The following PHLDB2 variants were observed in gnomAD, a reference collection of about 807,000 sequenced individuals.
The protein encoded by PHLDB2 is pleckstrin homology-like domain family B member 2.
PHLDB2 carries 71 observed loss-of-function variants against 123.6 expected under a neutral mutation model. The observed-to-expected ratio is 0.57, with a 90% CI of 0.47 to 0.70. The LOEUF is 0.70. PHLDB2 is among the 30% of genes least tolerant of loss of function. PHLDB2 has a pLI of 0.00. For missense variants in PHLDB2, 1,446 were observed against 1,519.5 expected (o/e 0.95, Z 0.80); for synonymous variants, 547 against 541.6 (o/e 1.01, Z -0.14).
chr3:111,910,127 C>T (rs142864984), intron 2 of PHLDB2, among the ~76,000 whole-genome samples: 3 of 152,200 alleles, frequency 2.0e-5, no homozygotes, highest in African/African-American at 7.2e-5. Flanking sequence ...ATACCCCTAG[C>T]CCATCACCAT....
chr3:111,794,933 G>A (rs1033333912), intron 1 of PHLDB2, among the ~76,000 whole-genome samples: 1 of 152,212 alleles, frequency 6.6e-6, no homozygotes, highest in African/African-American at 2.4e-5. Flanking sequence ...ATGGCTTTCA[G>A]ATGTGAAGAG....
intron 1 of PHLDB2, among the ~76,000 whole-genome samples, chr3:111,842,498 A>C (rs2063739084): frequency 6.6e-6 from 1 of 152,250 alleles, no homozygotes; most frequent in African/African-American, 2.4e-5. Flanking sequence ...CTATGGGTTT[A>C]GACAAATATA....
intron 5 of PHLDB2, among the ~76,000 whole-genome samples, chr3:111,925,438 C>G (rs536708928): frequency 6.6e-6 from 1 of 152,224 alleles, no homozygotes; most frequent in African/African-American, 2.4e-5. Context: ...TGCCACCTGC[C>G]GGTTGTGTTC....
At chr3:111,877,417 TG>T (rs1285290336) in intron 1 of PHLDB2, among the ~76,000 whole-genome samples, 6 of 152,232 alleles carry the variant, frequency 3.9e-5, no homozygotes, top group African/African-American at 1.2e-4. Flanking sequence ...TTGATAGGGT[TG>T]TTTTTTTCTT....
chr3:111,775,957 G>T (rs1194768143), intron 1 of PHLDB2, among the ~76,000 whole-genome samples: 1 of 152,164 alleles, frequency 6.6e-6, no homozygotes, highest in African/African-American at 2.4e-5. Context: ...ACAGCTGCTG[G>T]TGAAAGCTTT....
rs114296053 is a variant in PHLDB2 at position 111,884,929 on chromosome 3, A to T, written c.852A>T (p.Thr284=). 3.0e-4 allele frequency: 478 copies of T among 1,614,154 alleles called. 3 individuals are homozygous for T. The African/African-American group carries it at 6.0e-3, about 20-fold the overall frequency. ...PRNSLGNSKR[T]KLGEKDLPHS... ...ACTCTCTGGGCAATTCCAAACGAAC[A>T]AAACTTGGGGAAAAGGATCTACCTC... Residue 284 remains threonine (T), a synonymous_variant, in exon 2 of 18, where the codon ACA becomes ACT. Coordinates refer to ENST00000431670, the MANE Select transcript of PHLDB2 (RefSeq NM_001134438.2).
intron 2 of PHLDB2, among the ~76,000 whole-genome samples, chr3:111,901,712 C>G (rs542520378): frequency 1.4e-4 from 22 of 152,110 alleles, no homozygotes; most frequent in Non-Finnish European, 2.6e-4. Flanking sequence ...AAAGAGATGA[C>G]AGTATGATTA....
intron 10 of PHLDB2, 83 bp from the exon 11 acceptor site, chr3:111,952,489 G>T: frequency 2.1e-6 from 3 of 1,453,240 alleles, no homozygotes; most frequent in African/African-American, 1.4e-5. Context: ...AGTTTTTTTT[G>T]TAAGTGCATA....
Position 111,952,641 on chromosome 3 carries a change from C to G in PHLDB2, c.2701C>G (p.Arg901Gly). The G allele has an allele frequency of 6.2e-7, 1 of 1,613,918 alleles. No homozygotes were observed. The highest frequency in any genetic ancestry group is 8.5e-7 in the Non-Finnish European group (1 of 1,179,878). The change falls in exon 11 of 18, where the codon CGA (arginine) becomes GGA (glycine). Residue 901 changes from arginine to glycine, a missense_variant. Arg to Gly is a moderately radical substitution (Grantham distance 125, BLOSUM62 -2). Around this residue, in one of 3 missense-constraint regions of PHLDB2, gnomAD observed 594 missense variants for 646.0 expected, o/e 0.92. Transcript: ENST00000431670. Reference protein sequence around the residue: ...EGLYLSDTLPRKKTTSSISPH... With the variant: ...EGLYLSDTLPGKKTTSSISPH... ...CCTCTATCTGAGTGATACTTTGCCT[C>G]GAAAGAAAACCACATCTTCCATCTC...
chr3:111,896,064 C>T (rs949239903), intron 2 of PHLDB2, among the ~76,000 whole-genome samples: 4 of 151,942 alleles, frequency 2.6e-5, no homozygotes, highest in African/African-American at 4.8e-5. Context: ...GGCATGATCT[C>T]GGCTCAGCCT....
At chr3:111,787,707 G>A (rs951255260) in intron 1 of PHLDB2, among the ~76,000 whole-genome samples, 27 of 152,218 alleles carry the variant, frequency 1.8e-4, no homozygotes, top group African/African-American at 4.8e-4. Context: ...ACCTCAAAGA[G>A]GACACATGGG....
intron 1 of PHLDB2, among the ~76,000 whole-genome samples, chr3:111,764,255 T>A (rs924318534): frequency 2.0e-5 from 3 of 152,226 alleles, no homozygotes; most frequent in Non-Finnish European, 4.4e-5. Context: ...GTAGTTATTG[T>A]GTGGCAAACT....
intron 1 of PHLDB2, among the ~76,000 whole-genome samples, chr3:111,734,255 T>C (rs1403927104): frequency 6.6e-6 from 1 of 152,168 alleles, no homozygotes; most frequent in Non-Finnish European, 1.5e-5. Flanking sequence ...GAGGTGGTTT[T>C]GACGAGGGAA....
chr3:111,883,750 A>T (rs1045622001), intron 1 of PHLDB2, among the ~76,000 whole-genome samples: 2 of 152,216 alleles, frequency 1.3e-5, no homozygotes, highest in African/African-American at 4.8e-5. Flanking sequence ...AAGGGCCAGA[A>T]CATTAAGGAC....
At chr3:111,800,443 T>A (rs139939392) in intron 1 of PHLDB2, among the ~76,000 whole-genome samples, 1 of 152,248 alleles carries the variant, frequency 6.6e-6, no homozygotes, top group East Asian at 1.9e-4. Context: ...ACTTTTTGTT[T>A]ATTAAATTCC....
intron 12 of PHLDB2, among the ~76,000 whole-genome samples, chr3:111,959,910 A>G (rs2071290747): frequency 6.6e-6 from 1 of 152,068 alleles, no homozygotes; most frequent in Non-Finnish European, 1.5e-5. Context: ...TGGCAATGTC[A>G]CTCATTGCCA....
At chr3:111,972,316 G>GA (rs1203825623) in intron 16 of PHLDB2, among the ~76,000 whole-genome samples, 1 of 151,994 alleles carries the variant, frequency 6.6e-6, no homozygotes, top group Non-Finnish European at 1.5e-5. Flanking sequence ...GAAAAACAAA[G>GA]AAAAAAATAT....
At chr3:111,891,317 C>T (rs2066479331) in intron 2 of PHLDB2, among the ~76,000 whole-genome samples, 1 of 152,230 alleles carries the variant, frequency 6.6e-6, no homozygotes, top group South Asian at 2.1e-4. Flanking sequence ...AGCCACTCCC[C>T]ATCACTCACG....
At chr3:111,836,676 A>G (rs539417650) in intron 1 of PHLDB2, among the ~76,000 whole-genome samples, 1 of 152,332 alleles carries the variant, frequency 6.6e-6, no homozygotes, top group South Asian at 2.1e-4. Context: ...ACAGTTCCAC[A>G]TGGCTGAGGA....
Sources: gnomAD v4.1 joint callset for allele counts (sites outside exome capture counted in the v4.1 genomes callset) on GRCh38, gnomAD v4.1.1 for gene constraint, gnomAD v4.1.1 regional missense constraint, MANE v1.5 for transcripts, NCBI Gene and HGNC (gene_info 2026-07-23, HGNC 2026-07-21) for gene names.